The following PRKCH variants were observed in gnomAD, a reference collection of about 807,000 sequenced individuals.
PRKCH encodes protein kinase C eta, also known as protein kinase C eta type.
A neutral mutation model predicts 82.5 loss-of-function variants in PRKCH; 28 were observed. That is an observed-to-expected ratio of 0.34 (90% CI 0.25 to 0.47). The LOEUF is 0.47. PRKCH is among the 20% of genes least tolerant of loss of function. The pLI is 1.00. For missense variants in PRKCH, 705 were observed against 881.8 expected (o/e 0.80, Z 2.54); for synonymous variants, 322 against 327.4 (o/e 0.98, Z 0.18).
chr14:61,451,381 A>AGGAG (rs1178854552), intron 6 of PRKCH, among the ~76,000 whole-genome samples: 4 of 152,228 alleles, frequency 2.6e-5, no homozygotes. Context: ...TGAGGAGGTG[A>AGGAG]GATGGCCAAA....
At chr14:61,336,856 G>T (rs2140133265) in intron 1 of PRKCH, among the ~76,000 whole-genome samples, 1 of 152,110 alleles carries the variant, frequency 6.6e-6, no homozygotes, top group African/African-American at 2.4e-5. Flanking sequence ...ATTGCTTGAG[G>T]TCTGGAGTTC....
In PRKCH at chr14:61,550,341, C is replaced by T. The variant is rs1165798198; in HGVS notation, c.*510C>T. ...GGCTTTCCAAATAGAATGATTTACT[C>T]TGAAGAAACAAACAATGGTATCTCT... On this transcript the variant is annotated 3_prime_UTR_variant, in exon 14 of 14. Transcript: ENST00000332981. The T allele has an allele frequency of 6.6e-6, 1 of 152,350 alleles. No individual in the cohort carries two copies. Among genetic ancestry groups the T allele is most frequent in the Admixed American group, 6.5e-5 (1 of 15,296 alleles). The allele number at this position is 152,350 out of a possible 1,614,324, so 9.4% of individuals were successfully genotyped here. A position where few individuals can be genotyped will look rare whatever the true frequency, so the allele number is the denominator to read the frequency against.
rs558792431 is a variant in PRKCH, at chr14:61,524,404, C to T, written c.1434-4671C>T. Among the ~76,000 whole-genome samples, 169 of 152,272 alleles carry T rather than the reference C, an allele frequency of 1.1e-3. 2 individuals are homozygous for T. Among genetic ancestry groups the T allele is most frequent in the Admixed American group, 2.2e-3 (34 of 15,298 alleles). The stretch of plus-strand genomic sequence containing the variant: ...GACAAAAGCTGTAGCTATTAAATAC[C>T]GGTGCTCAATGAGCTAATGAATGGC... On this transcript the variant is annotated intron_variant, in intron 10 of 13. Coordinates refer to ENST00000332981, the MANE Select transcript of PRKCH (RefSeq NM_006255.5).
In PRKCH at chr14:61,480,755, G is replaced by A. The variant is rs551708123; in HGVS notation, c.1279-4747G>A. Among the ~76,000 whole-genome samples the A allele has an allele frequency of 2.6e-5, 4 of 152,304 alleles. 1 individual carries two copies. In the South Asian group the frequency reaches 8.3e-4, roughly 32 times the overall value. ...GGGTGACCTGTGAAAGCACCCCTAA[G>A]TAGCTTTTTGCTTTTTCTGCATTTC... On this transcript the variant is annotated intron_variant, in intron 9 of 13. Coordinates refer to ENST00000332981, the MANE Select transcript of PRKCH (RefSeq NM_006255.5).
intron 2 of PRKCH, among the ~76,000 whole-genome samples, chr14:61,422,369 C>T (rs1040317768): frequency 2.6e-5 from 4 of 152,198 alleles, no homozygotes; most frequent in Non-Finnish European, 4.4e-5. Flanking sequence ...GGATTATAGG[C>T]GTGAGCCACA....
chr14:61,242,295 C>G (rs2044846103), intron 1 of PRKCH, among the ~76,000 whole-genome samples: 1 of 152,154 alleles, frequency 6.6e-6, no homozygotes, highest in Non-Finnish European at 1.5e-5. Flanking sequence ...CCCCCAGTGA[C>G]ATCAGTTTGG....
intron 1 of PRKCH, among the ~76,000 whole-genome samples, chr14:61,248,834 A>T (rs893609587): frequency 6.6e-6 from 1 of 151,954 alleles, no homozygotes; most frequent in African/African-American, 2.4e-5. Context: ...ACAGCATCCC[A>T]CACTGTTGCC....
At chr14:61,333,321 C>T (rs2045813626) in intron 1 of PRKCH, among the ~76,000 whole-genome samples, 1 of 152,156 alleles carries the variant, frequency 6.6e-6, no homozygotes, top group Admixed American at 6.5e-5. Context: ...ACAATGTCAT[C>T]TGATTAGTAG....
intron 1 of PRKCH, among the ~76,000 whole-genome samples, chr14:61,190,384 A>T (rs879939055): frequency 6.6e-6 from 1 of 152,040 alleles, no homozygotes; most frequent in Non-Finnish European, 1.5e-5. Context: ...GTTGCTTCCC[A>T]CCCGAACATC....
At chr14:61,425,506 A>T (rs1594691777) in intron 2 of PRKCH, among the ~76,000 whole-genome samples, 1 of 152,138 alleles carries the variant, frequency 6.6e-6, no homozygotes, top group South Asian at 2.1e-4. Context: ...TGGCCAATTT[A>T]TCCCATTTGG....
intron 1 of PRKCH, among the ~76,000 whole-genome samples, chr14:61,258,841 T>C (rs1319773770): frequency 6.6e-6 from 1 of 152,234 alleles, no homozygotes; most frequent in East Asian, 1.9e-4. Context: ...AACCATTTCA[T>C]TTTAACCCAC....
At chr14:61,247,089 T>C (rs1481780816) in intron 1 of PRKCH, among the ~76,000 whole-genome samples, 1 of 152,146 alleles carries the variant, frequency 6.6e-6, no homozygotes, top group Non-Finnish European at 1.5e-5. Flanking sequence ...ATCTCCCACC[T>C]TCACTGGGAA....
chr14:61,279,985 G>C (rs143113636), intron 1 of PRKCH: 9 of 986,118 alleles, frequency 9.1e-6, no homozygotes, highest in Non-Finnish European at 1.3e-5. Flanking sequence ...CACAAAGGGA[G>C]GAAAAGCTAG....
intron 2 of PRKCH, among the ~76,000 whole-genome samples, chr14:61,422,149 C>A (rs1317509524): frequency 1.3e-5 from 2 of 152,078 alleles, no homozygotes; most frequent in Admixed American, 6.6e-5. Flanking sequence ...AGTGGCGCAA[C>A]AATGGATCAC....
At chr14:61,396,899 T>G (rs921789125) in intron 2 of PRKCH, among the ~76,000 whole-genome samples, 6 of 152,194 alleles carry the variant, frequency 3.9e-5, no homozygotes, top group Admixed American at 2.6e-4. Context: ...ACAGCGCCAC[T>G]GTTCACTTTC....
intron 12 of PRKCH, chr14:61,537,909 G>A (rs577050344): frequency 6.6e-6 from 1 of 152,382 alleles, no homozygotes; most frequent in African/African-American, 2.4e-5. Flanking sequence ...CTGTTTGCCT[G>A]TACGCACAAA....
At chr14:61,453,374 C>T in intron 7 of PRKCH, 21 bp downstream of exon 7, 1 of 1,607,770 alleles carries the variant, frequency 6.2e-7, no homozygotes, top group South Asian at 1.1e-5. Context: ...GCTTTTTTTC[C>T]ATGTCTCGTA....
rs184819561 is a variant in PRKCH at position 61,455,794 on chromosome 14, T to G, written c.961-1382T>G. 3.9e-5 allele frequency among the ~76,000 whole-genome samples: 6 copies of G among 152,346 alleles called. No individual in the cohort carries two copies. The East Asian group carries it at 9.6e-4, about 24-fold the overall frequency. On this transcript the variant is annotated intron_variant, in intron 7 of 13. Transcript: ENST00000332981. ...TGTTGTCTAGTGGTAGCTTATCTTA[T>G]AAATGTCTCAAGGTGGGCCAGCTGC...
intron 1 of PRKCH, among the ~76,000 whole-genome samples, chr14:61,211,125 G>A (rs931374661): frequency 4.6e-5 from 7 of 152,190 alleles, no homozygotes; most frequent in Non-Finnish European, 1.0e-4. Context: ...GCTTGATACT[G>A]AATTGCCCTG....
Sources: allele counts gnomAD v4.1 joint callset (sites outside exome capture counted in the v4.1 genomes callset), GRCh38; gene constraint gnomAD v4.1.1; transcripts MANE v1.5; gene names NCBI Gene and HGNC (gene_info 2026-07-23, HGNC 2026-07-21).